PTPRN2: variants seen among roughly 807,000 people sequenced by gnomAD.
PTPRN2 encodes receptor-type tyrosine-protein phosphatase N2.
A neutral mutation model predicts 118.8 loss-of-function variants in PTPRN2; 74 were observed. That is an observed-to-expected ratio of 0.62 (90% CI 0.52 to 0.76). The LOEUF (loss-of-function observed/expected upper bound fraction) is 0.76, where lower values mean the gene tolerates loss of function less well. Among genes scored for constraint, PTPRN2 ranks in the 30% least tolerant of loss-of-function variants. PTPRN2 has a pLI of 0.00. For synonymous variants in PTPRN2, 641 were observed against 608.0 expected (o/e 1.05, Z -0.80); for missense variants, 1,481 against 1,394.4 (o/e 1.06, Z -0.99).
chr7:158,045,497 A>T (rs1808774972), intron 11 of PTPRN2, among the ~76,000 whole-genome samples: 1 of 152,290 alleles, frequency 6.6e-6, no homozygotes, highest in South Asian at 2.1e-4. Flanking sequence ...GAGAAACAGG[A>T]AGGAGAGGAA....
intron 11 of PTPRN2, among the ~76,000 whole-genome samples, chr7:158,034,920 C>T (rs10270303): frequency 0.14 from 20,858 of 152,282 alleles, 1,602 homozygotes; most frequent in South Asian, 0.21. Context: ...TGTGTGCACA[C>T]AGGAGCCTGC....
At chr7:158,156,944 A>G (rs566245120) in intron 6 of PTPRN2, among the ~76,000 whole-genome samples, 1 of 151,888 alleles carries the variant, frequency 6.6e-6, no homozygotes, top group South Asian at 2.1e-4. Context: ...CACAGCGGAC[A>G]GCACCCCTGT....
chr7:157,909,355 C>T (rs1264804555), intron 11 of PTPRN2, among the ~76,000 whole-genome samples: 4 of 152,208 alleles, frequency 2.6e-5, no homozygotes, highest in Non-Finnish European at 4.4e-5. Context: ...TTGGGCCCCT[C>T]GACAGCTGGA....
At chr7:158,207,089 G>A (rs1278199999) in intron 3 of PTPRN2, among the ~76,000 whole-genome samples, 1 of 148,490 alleles carries the variant, frequency 6.7e-6, no homozygotes, top group East Asian at 2.0e-4. Flanking sequence ...ATAGTTTACT[G>A]AGAATGATGG....
intron 2 of PTPRN2, among the ~76,000 whole-genome samples, chr7:158,487,371 C>T (rs1244724065): frequency 3.9e-5 from 6 of 152,104 alleles, no homozygotes; most frequent in African/African-American, 9.7e-5. Flanking sequence ...TCAGCAACGA[C>T]GCCATTTTAC....
chr7:157,910,570 A>G (rs1317027718), intron 11 of PTPRN2, among the ~76,000 whole-genome samples: 2 of 152,182 alleles, frequency 1.3e-5, no homozygotes. Flanking sequence ...ACACACGTAC[A>G]CCGTTCTGCA....
At position 157,579,548 on chromosome 7, in the gene PTPRN2, C is replaced by T. The variant is rs914241547; in HGVS notation, c.2497-1408G>A. ...GTAATAAAAATACAATGATCTAGAC[C>T]ATAAACTAATCATCCGGCACTCGGC... On this transcript the variant is annotated intron_variant, in intron 17 of 22. Transcript: ENST00000389418. Among the ~76,000 whole-genome samples, 42 of 152,122 alleles carry T rather than the reference C, an allele frequency of 2.8e-4. 1 individual carries two copies. The highest frequency in any genetic ancestry group is 1.0e-3 in the African/African-American group (42 of 41,412).
At position 157,964,852 on chromosome 7, in the gene PTPRN2, T is replaced by C. The variant is rs1053821440; in HGVS notation, c.1724-66115A>G. Among the ~76,000 whole-genome samples, 42 of 152,146 alleles carry C rather than the reference T, an allele frequency of 2.8e-4. No individual in the cohort carries two copies. The highest frequency in any genetic ancestry group is 2.4e-3 in the Admixed American group (37 of 15,274). ...ACGATCCTCCTCTTGCCCCAATTTC[T>C]CCACCGCACAGACTCGCCAGGGCTT... On this transcript the variant is annotated intron_variant, in intron 11 of 22. Coordinates refer to ENST00000389418, the MANE Select transcript of PTPRN2 (RefSeq NM_002847.5). The surrounding 1 kb of genome is among the most constrained non-coding windows in gnomAD (Gnocchi z 9.0).
At chr7:158,056,959 A>T (rs979666728) in intron 11 of PTPRN2, among the ~76,000 whole-genome samples, 2 of 152,112 alleles carry the variant, frequency 1.3e-5, no homozygotes, top group African/African-American at 4.8e-5. Flanking sequence ...CCCTTATCCG[A>T]TGATCAGCCA....
At chr7:158,204,303 G>T (rs1352340904) in intron 4 of PTPRN2, among the ~76,000 whole-genome samples, 1 of 150,568 alleles carries the variant, frequency 6.6e-6, no homozygotes, top group East Asian at 2.0e-4. Flanking sequence ...GAGGCAACCC[G>T]CGCCCTCAGT....
At chr7:158,581,360 G>A (rs976027502) in intron 1 of PTPRN2, among the ~76,000 whole-genome samples, 3 of 152,196 alleles carry the variant, frequency 2.0e-5, no homozygotes, top group Non-Finnish European at 2.9e-5. Flanking sequence ...AGGGGTTCAA[G>A]ATTTGGGGGT....
chr7:157,760,930 G>A (rs984961339), intron 12 of PTPRN2, among the ~76,000 whole-genome samples: 1 of 152,020 alleles, frequency 6.6e-6, no homozygotes, highest in African/African-American at 2.4e-5. Flanking sequence ...AATTGCCCTG[G>A]CCAAGCATTC....
At chr7:157,745,318 C>T (rs537899148) in intron 12 of PTPRN2, among the ~76,000 whole-genome samples, 18 of 152,160 alleles carry the variant, frequency 1.2e-4, no homozygotes, top group African/African-American at 3.4e-4. Flanking sequence ...AGCTTCTGCA[C>T]GGACTCGTCC....
intron 12 of PTPRN2, among the ~76,000 whole-genome samples, chr7:157,767,712 T>C (rs549722293): frequency 2.0e-3 from 298 of 152,302 alleles, no homozygotes; most frequent in African/African-American, 6.5e-3. Flanking sequence ...CTGTCTATAC[T>C]CCTGCTCCTC....
chr7:158,089,543 G>A (rs1813824416), intron 10 of PTPRN2, among the ~76,000 whole-genome samples: 1 of 125,904 alleles, frequency 7.9e-6, no homozygotes, highest in Non-Finnish European at 1.7e-5. Context: ...TGATGAAAGA[G>A]GGAGTCTTCA....
chr7:158,389,543 A>T (rs2151375310), intron 2 of PTPRN2, among the ~76,000 whole-genome samples: 1 of 152,366 alleles, frequency 6.6e-6, no homozygotes, highest in Middle Eastern at 3.4e-3. Context: ...CTGAGTTATG[A>T]AACAAACACT....
chr7:157,613,425 T>A (rs1802517488), intron 15 of PTPRN2, among the ~76,000 whole-genome samples: 1 of 152,244 alleles, frequency 6.6e-6, no homozygotes, highest in Non-Finnish European at 1.5e-5. Context: ...TCGCGCAGCC[T>A]CAGCGTGTTG....
Position 157,604,095 on chromosome 7 carries a change from G to A in PTPRN2, c.2345-20C>T. The A allele has an allele frequency of 1.2e-6, 2 of 1,612,236 alleles. No homozygotes were observed. The highest frequency in any genetic ancestry group is 1.7e-5 in the Admixed American group (1 of 59,990). Reference sequence around the variant, plus strand: ...GGTCATCTGCAAGGACACAGTGCAGGGGTCAGAGGAACATTGGCCCACCCA... The same window carrying A: ...GGTCATCTGCAAGGACACAGTGCAGAGGTCAGAGGAACATTGGCCCACCCA... On this transcript the variant is annotated intron_variant, in intron 15 of 22. Transcript: ENST00000389418.
At chr7:157,962,825 G>A (rs1457212047) in intron 11 of PTPRN2, among the ~76,000 whole-genome samples, 1 of 152,196 alleles carries the variant, frequency 6.6e-6, no homozygotes, top group African/African-American at 2.4e-5. Flanking sequence ...TATATGGCAT[G>A]GACTAGAGGG....
Sources: gnomAD v4.1 joint callset for allele counts (sites outside exome capture counted in the v4.1 genomes callset) on GRCh38, gnomAD v4.1.1 for gene constraint, Gnocchi (gnomAD v3.1) non-coding constraint, MANE v1.5 for transcripts, NCBI Gene and HGNC (gene_info 2026-07-23, HGNC 2026-07-21) for gene names.